RIMBP2: variants seen among roughly 807,000 people sequenced by gnomAD.
RIMBP2 encodes RIMS-binding protein 2.
A neutral mutation model predicts 118.6 loss-of-function variants in RIMBP2; 48 were observed. That is an observed-to-expected ratio of 0.40 (90% CI 0.32 to 0.51). RIMBP2 has a LOEUF of 0.51. RIMBP2 is among the 20% of genes least tolerant of loss of function. RIMBP2 has a pLI of 0.41. For missense variants in RIMBP2, 1,551 were observed against 1,768.3 expected (o/e 0.88, Z 2.20); for synonymous variants, 762 against 742.9 (o/e 1.03, Z -0.42).
chr12:130,634,902 T>C (rs1406806591), intron 1 of RIMBP2, among the ~76,000 whole-genome samples: 3 of 152,088 alleles, frequency 2.0e-5, no homozygotes, highest in African/African-American at 4.8e-5. Flanking sequence ...CCCGGCTGAC[T>C]CCACCTGTAA....
At chr12:130,485,718 C>T (rs973569454) in intron 4 of RIMBP2, among the ~76,000 whole-genome samples, 3 of 152,180 alleles carry the variant, frequency 2.0e-5, no homozygotes, top group Admixed American at 2.0e-4. Context: ...GTAGATTCAC[C>T]AGGCACCGAA....
intron 1 of RIMBP2, among the ~76,000 whole-genome samples, chr12:130,678,319 C>T (rs1271354316): frequency 6.6e-6 from 1 of 152,214 alleles, no homozygotes; most frequent in African/African-American, 2.4e-5. Flanking sequence ...ACATCGTCCC[C>T]AGGAGCCCGA....
Position 130,607,303 on chromosome 12 carries a change from T to C in RIMBP2, c.-217+21019A>G, listed in dbSNP as rs376028501. ...CATCTGAAACATTCCCACTAAGTGTTTGCTGATGTTTCCAGGCGGGGAGAA... is the reference window on the plus strand; with the variant it reads ...CATCTGAAACATTCCCACTAAGTGTCTGCTGATGTTTCCAGGCGGGGAGAA... On this transcript the variant is annotated intron_variant, in intron 2 of 22. Coordinates refer to ENST00000690449, the MANE Select transcript of RIMBP2 (RefSeq NM_001393629.1). Among the ~76,000 whole-genome samples the C allele has an allele frequency of 3.6e-4, 55 of 152,280 alleles. No individual in the cohort carries two copies. In the South Asian group the frequency reaches 0.011, roughly 30 times the overall value.
intron 2 of RIMBP2, among the ~76,000 whole-genome samples, chr12:130,565,286 T>C (rs1291782630): frequency 6.6e-6 from 1 of 152,162 alleles, no homozygotes; most frequent in Non-Finnish European, 1.5e-5. Context: ...GTGGAGAAAT[T>C]GGAACTCAAC....
Position 130,400,153 on chromosome 12 carries a change from T to A in RIMBP2, c.3766-340A>T, listed in dbSNP as rs758674384. 1.3e-3 allele frequency among the ~76,000 whole-genome samples: 202 copies of A among 152,258 alleles called. 4 individuals are homozygous for A. The Middle Eastern group carries it at 0.024, about 18-fold the overall frequency. ...TAGTGGTTCTCGGGCCTGGCTGATC[T>A]GAGGCACTAGGGAGCTGCTAAAAAC... On this transcript the variant is annotated intron_variant, in intron 21 of 22. Transcript: ENST00000690449.
At chr12:130,533,964 G>A (rs779268809) in intron 2 of RIMBP2, among the ~76,000 whole-genome samples, 49 of 151,796 alleles carry the variant, frequency 3.2e-4, no homozygotes, top group Middle Eastern at 6.8e-3. Flanking sequence ...TTAGGAGTTC[G>A]AGACCAGCCT....
chr12:130,519,420 G>A (rs1357525349), intron 2 of RIMBP2, among the ~76,000 whole-genome samples: 1 of 152,208 alleles, frequency 6.6e-6, no homozygotes, highest in Non-Finnish European at 1.5e-5. Flanking sequence ...CTTTGTTCCG[G>A]GAAACAATGA....
chr12:130,662,715 A>G (rs1024222465), intron 1 of RIMBP2, among the ~76,000 whole-genome samples: 2 of 152,074 alleles, frequency 1.3e-5, no homozygotes, highest in South Asian at 2.1e-4. Flanking sequence ...CAGCACTTTA[A>G]GAGGCCAAGG....
At chr12:130,674,454 G>C (rs58049858) in intron 1 of RIMBP2, among the ~76,000 whole-genome samples, 2 of 152,132 alleles carry the variant, frequency 1.3e-5, no homozygotes, top group Admixed American at 1.3e-4. Context: ...GCTTCCTGGG[G>C]GACAGAGCAG....
chr12:130,431,472 T>C lies in RIMBP2; in HGVS notation c.2254-3135A>G, dbSNP rs935753818. 2.6e-6 allele frequency: 1 copy of C among 392,024 alleles called. No individual in the cohort carries two copies. The highest frequency in any genetic ancestry group is 2.0e-5 in the South Asian group (1 of 51,248). 24.3% of individuals were successfully genotyped at this position (392,024 alleles called of 1,614,324 possible). ...TCTGTATGATTAATGAATGTATTCT[T>C]TGAATTGAATCAATATTTAACGTTA... On this transcript the variant is annotated intron_variant, in intron 14 of 22. Transcript: ENST00000690449. This position sits in a 1 kb window ranked among gnomAD's most constrained non-coding sequence, Gnocchi z 4.0.
At chr12:130,468,366 G>C (rs973738809) in intron 6 of RIMBP2, among the ~76,000 whole-genome samples, 1 of 152,186 alleles carries the variant, frequency 6.6e-6, no homozygotes, top group Non-Finnish European at 1.5e-5. Flanking sequence ...CTCCCTGAGG[G>C]GTTTGGATTC....
intron 1 of RIMBP2, among the ~76,000 whole-genome samples, chr12:130,664,424 CACACATGCAT>C (rs1218673963): frequency 1.9e-4 from 18 of 96,102 alleles, no homozygotes; most frequent in South Asian, 1.0e-3. Context: ...CACACACGCA[CACACATGCAT>C]GCACGCACAC....
At chr12:130,496,671 G>A (rs970776563) in intron 4 of RIMBP2, among the ~76,000 whole-genome samples, 9 of 152,036 alleles carry the variant, frequency 5.9e-5, no homozygotes, top group Non-Finnish European at 7.4e-5. Context: ...GGGCAGGCCC[G>A]CTCCCCAGAA....
chr12:130,547,229 A>T (rs953564476), intron 2 of RIMBP2, among the ~76,000 whole-genome samples: 2 of 152,224 alleles, frequency 1.3e-5, no homozygotes, highest in South Asian at 2.1e-4. Flanking sequence ...ACTAAAAAAA[A>T]ATCTTTAAGT....
rs2062516505 is a variant in RIMBP2 at position 130,639,507 on chromosome 12, A to AAAT, written c.-351-11052_-351-11051insATT. The stretch of plus-strand genomic sequence containing the variant: ...TGCCTCAAAAAAAAAAAAAAAAAAA[A>AAAT]AAAAAACCAACTAAGTATCACATTT... On this transcript the variant is annotated intron_variant, in intron 1 of 22. Coordinates refer to ENST00000690449, the MANE Select transcript of RIMBP2 (RefSeq NM_001393629.1). Among the ~76,000 whole-genome samples, 4 of 151,522 alleles carry AAAT rather than the reference A, an allele frequency of 2.6e-5. No homozygotes were observed. The South Asian group carries it at 8.3e-4, about 32-fold the overall frequency.
At chr12:130,700,492 G>T (rs150271342) in intron 1 of RIMBP2, among the ~76,000 whole-genome samples, 214 of 152,254 alleles carry the variant, frequency 1.4e-3, no homozygotes, top group African/African-American at 4.8e-3. Flanking sequence ...TGGGTCAGGG[G>T]CCCTCAATCC....
intron 2 of RIMBP2, among the ~76,000 whole-genome samples, chr12:130,626,118 T>C (rs140313835): frequency 6.6e-6 from 1 of 152,376 alleles, no homozygotes; most frequent in Non-Finnish European, 1.5e-5. Context: ...CATTAAGTGA[T>C]GATTAGTGGC....
chr12:130,611,664 G>A (rs993922486), intron 2 of RIMBP2, among the ~76,000 whole-genome samples: 2 of 152,148 alleles, frequency 1.3e-5, no homozygotes, highest in Non-Finnish European at 2.9e-5. Context: ...TACACTGATG[G>A]CTTTCTCCTC....
chr12:130,538,490 T>TAA (rs2054272619), intron 2 of RIMBP2, among the ~76,000 whole-genome samples: 2 of 151,964 alleles, frequency 1.3e-5, no homozygotes, highest in Non-Finnish European at 2.9e-5. Flanking sequence ...TCAACACTCC[T>TAA]CCAGCACCCA....
Sources: allele counts gnomAD v4.1 joint callset (sites outside exome capture counted in the v4.1 genomes callset), GRCh38; gene constraint gnomAD v4.1.1; non-coding constraint Gnocchi (gnomAD v3.1); transcripts MANE v1.5; gene names NCBI Gene and HGNC (gene_info 2026-07-23, HGNC 2026-07-21).